TMTC2: variants seen among roughly 807,000 people sequenced by gnomAD.
TMTC2 encodes the protein transmembrane O-mannosyltransferase targeting cadherins 2.
In TMTC2, 43 loss-of-function variants were observed where a neutral mutation model predicts 82.4. That is an observed-to-expected ratio of 0.52 (90% CI 0.41 to 0.67). TMTC2 has a LOEUF of 0.67. Among genes scored for constraint, TMTC2 ranks in the 30% least tolerant of loss-of-function variants. The pLI is 0.00. For missense variants in TMTC2, 919 were observed against 1,012.4 expected, an observed-to-expected ratio of 0.91 and a Z score of 1.25; for synonymous variants, 408 against 381.9, an observed-to-expected ratio of 1.07 and a Z score of -0.80.
At chr12:82,897,671 G>T (rs749127150) in intron 3 of TMTC2, among the ~76,000 whole-genome samples, 1 of 151,814 alleles carries the variant, frequency 6.6e-6, no homozygotes, top group Non-Finnish European at 1.5e-5. Context: ...GATTACAGGC[G>T]CCCACCACCA....
intron 1 of TMTC2, among the ~76,000 whole-genome samples, chr12:82,810,131 G>C (rs1446900880): frequency 1.3e-5 from 2 of 151,876 alleles, no homozygotes; most frequent in Non-Finnish European, 2.9e-5. Flanking sequence ...ATCTATACAT[G>C]CTTAATGAGA....
intron 1 of TMTC2, among the ~76,000 whole-genome samples, chr12:82,822,887 G>A (rs1311147089): frequency 2.6e-5 from 4 of 152,190 alleles, no homozygotes; most frequent in Non-Finnish European, 5.9e-5. Context: ...CTAGTCTGAT[G>A]TAACAAATTT....
At chr12:82,876,028 C>CGGCGGT (rs1872475863) in intron 2 of TMTC2, among the ~76,000 whole-genome samples, 1 of 83,488 alleles carries the variant, frequency 1.2e-5, no homozygotes, top group Non-Finnish European at 2.2e-5. Context: ...GTAGTGGTGG[C>CGGCGGT]GGTGGTGGTG....
intron 1 of TMTC2, among the ~76,000 whole-genome samples, chr12:82,770,118 G>A (rs1004861068): frequency 1.3e-5 from 2 of 152,100 alleles, no homozygotes; most frequent in East Asian, 1.9e-4. Flanking sequence ...GATTTATTAT[G>A]TTACCCTTTA....
At chr12:82,759,655 G>A (rs1214123032) in intron 1 of TMTC2, 3 of 152,128 alleles carry the variant, frequency 2.0e-5, no homozygotes, top group African/African-American at 7.2e-5. Flanking sequence ...CTTGACTCTT[G>A]CTTTATGAAA....
chr12:83,000,928 C>T (rs1393178667), intron 8 of TMTC2, among the ~76,000 whole-genome samples: 3 of 152,196 alleles, frequency 2.0e-5, no homozygotes, highest in Admixed American at 1.3e-4. Flanking sequence ...GGCTTCCACC[C>T]ACTGAAGCAA....
At position 83,116,037 on chromosome 12, in the gene TMTC2, C is replaced by T. The variant is rs1054617442; in HGVS notation, c.2332-16173C>T. 4.6e-5 allele frequency among the ~76,000 whole-genome samples: 7 copies of T among 152,240 alleles called. No homozygotes were observed. The South Asian group carries it at 1.2e-3, about 27-fold the overall frequency. ...TCCTGACCTCGTGATGTGCCTGCCT[C>T]AGCCTTCCTATTTATAATCTTTTAT... On this transcript the variant is annotated intron_variant, in intron 11 of 11. Coordinates refer to ENST00000321196, the MANE Select transcript of TMTC2 (RefSeq NM_152588.3).
At chr12:82,701,912 C>T (rs1477360848) in intron 1 of TMTC2, among the ~76,000 whole-genome samples, 2 of 152,048 alleles carry the variant, frequency 1.3e-5, no homozygotes, top group African/African-American at 4.8e-5. Flanking sequence ...ACCCCCATTT[C>T]CTTGAAAGAG....
chr12:83,036,301 T>A (rs1458586284), intron 9 of TMTC2, among the ~76,000 whole-genome samples: 1 of 152,136 alleles, frequency 6.6e-6, no homozygotes, highest in African/African-American at 2.4e-5. Context: ...AAATAGTAGT[T>A]TAATTAGTTT....
chr12:82,928,674 A>G (rs543186870), intron 3 of TMTC2, among the ~76,000 whole-genome samples: 2 of 152,300 alleles, frequency 1.3e-5, no homozygotes, highest in South Asian at 4.1e-4. Context: ...TTGCTGTAAC[A>G]CTTCAGTATT....
At chr12:82,856,310 G>T (rs1871257737) in intron 1 of TMTC2, among the ~76,000 whole-genome samples, 1 of 152,212 alleles carries the variant, frequency 6.6e-6, no homozygotes, top group Non-Finnish European at 1.5e-5. Context: ...AAGCTAAGAA[G>T]TGGGAAAGGC....
intron 7 of TMTC2, among the ~76,000 whole-genome samples, chr12:82,975,943 G>A (rs1393828763): frequency 6.6e-6 from 1 of 150,914 alleles, no homozygotes; most frequent in Non-Finnish European, 1.5e-5. Context: ...TGTTTTTAGT[G>A]TTTACTAATT....
intron 4 of TMTC2, among the ~76,000 whole-genome samples, chr12:82,953,423 A>G (rs1205999656): frequency 1.3e-5 from 2 of 152,214 alleles, no homozygotes; most frequent in Non-Finnish European, 2.9e-5. Flanking sequence ...AATTCCTTTT[A>G]TTGCCAGTGT....
At chr12:83,016,939 A>G (rs1409993852) in intron 8 of TMTC2, among the ~76,000 whole-genome samples, 1 of 152,230 alleles carries the variant, frequency 6.6e-6, no homozygotes, top group Non-Finnish European at 1.5e-5. Context: ...CGCCTGATGC[A>G]TAGTAAGCTG....
intron 1 of TMTC2, among the ~76,000 whole-genome samples, chr12:82,772,170 T>C (rs1450080395): frequency 6.6e-6 from 1 of 152,208 alleles, no homozygotes; most frequent in Admixed American, 6.5e-5. Context: ...ACTTAAGAGT[T>C]ACTGTTTATC....
chr12:82,751,428 C>G (rs941129760), intron 1 of TMTC2, among the ~76,000 whole-genome samples: 2 of 151,894 alleles, frequency 1.3e-5, no homozygotes, highest in Admixed American at 6.6e-5. Context: ...AGGAGATATA[C>G]CTAATGCTAA....
intron 1 of TMTC2, among the ~76,000 whole-genome samples, chr12:82,802,831 G>C (rs1435182457): frequency 2.6e-5 from 4 of 152,108 alleles, no homozygotes; most frequent in African/African-American, 9.7e-5. Context: ...CCTTTGAACA[G>C]GCTCTGCAGA....
At chr12:82,971,393 C>G (rs1004226769) in intron 7 of TMTC2, among the ~76,000 whole-genome samples, 1 of 152,066 alleles carries the variant, frequency 6.6e-6, no homozygotes. Context: ...ATTGAATATA[C>G]TGGATACTTA....
At chr12:82,755,439 A>G (rs1358210832) in intron 1 of TMTC2, among the ~76,000 whole-genome samples, 4 of 152,156 alleles carry the variant, frequency 2.6e-5, no homozygotes, top group Admixed American at 1.3e-4. Context: ...CACAGTGACT[A>G]ACTGATGATT....
Sources: gnomAD v4.1 joint callset for allele counts (sites outside exome capture counted in the v4.1 genomes callset) on GRCh38, gnomAD v4.1.1 for gene constraint, MANE v1.5 for transcripts, NCBI Gene and HGNC (gene_info 2026-07-23, HGNC 2026-07-21) for gene names.